Variants in AGAP1 observed in about 807,000 individuals in gnomAD.
AGAP1 encodes the protein arf-GAP with GTPase, ANK repeat and PH domain-containing protein 1.
A neutral mutation model predicts 105.3 loss-of-function variants in AGAP1; 29 were observed. The ratio of observed to expected loss-of-function variants is 0.28; its 90% CI spans 0.21 to 0.38. AGAP1 has a LOEUF of 0.38. AGAP1 is among the 10% of genes least tolerant of loss of function. The pLI is 1.00. For missense variants in AGAP1, 998 were observed against 1,165.1 expected (o/e 0.86, Z 2.09); for synonymous variants, 509 against 485.9 (o/e 1.05, Z -0.63).
chr2:235,579,355 A>G (rs754320502), intron 1 of AGAP1, among the ~76,000 whole-genome samples: 1 of 152,196 alleles, frequency 6.6e-6, no homozygotes, highest in East Asian at 1.9e-4. Context: ...TTAAAACAAA[A>G]CAAACCTTAT....
At chr2:235,760,542 G>A (rs2696395) in intron 6 of AGAP1, among the ~76,000 whole-genome samples, 42,555 of 152,074 alleles carry the variant, frequency 0.28, 6,271 homozygotes, top group Admixed American at 0.41. Context: ...CATCTTAGAA[G>A]TATGAAATCA....
chr2:235,958,854 G>A lies in AGAP1; in HGVS notation c.1484-9608G>A, dbSNP rs2054059844. On this transcript the variant is annotated intron_variant, in intron 12 of 17. Coordinates refer to ENST00000304032, the MANE Select transcript of AGAP1 (RefSeq NM_001037131.3). This position sits in a 1 kb window ranked among gnomAD's most constrained non-coding sequence, Gnocchi z 4.1. ...AGTCATGCTTGTCAGCTCTCCGAGT[G>A]AAAAGTGAAACTGCTTCTTTGACTC... is the stretch of plus-strand genomic sequence containing the variant. Among the ~76,000 whole-genome samples the A allele has an allele frequency of 6.6e-6, 1 of 152,230 alleles. No homozygotes were observed. The highest frequency in any genetic ancestry group is 2.1e-4 in the South Asian group (1 of 4,832).
In AGAP1 at chr2:235,746,377, C is replaced by CTTTTTTTTTTTTTTTTTTTTTT. The variant is rs1172393048; in HGVS notation, c.538+1551_538+1572dup. Among the ~76,000 whole-genome samples, 17 of 55,562 alleles carry CTTTTTTTTTTTTTTTTTTTTTT rather than the reference C, an allele frequency of 3.1e-4. 5 individuals are homozygous for CTTTTTTTTTTTTTTTTTTTTTT. The highest frequency in any genetic ancestry group is 5.8e-4 in the East Asian group (1 of 1,710). 36.5% of individuals were successfully genotyped at this position (55,562 alleles called of 152,430 possible). On this transcript the variant is annotated intron_variant, in intron 5 of 17. Coordinates refer to ENST00000304032, the MANE Select transcript of AGAP1 (RefSeq NM_001037131.3). ...GCTTCCTGGAGAGCACCTCCCCCAA[C>CTTTTTTTTTTTTTTTTTTTTTT]TTTTTTTTTTTTTTTTTTTTTTTTT...
At position 236,121,331 on chromosome 2, in the gene AGAP1, C is replaced by T. The variant is rs894438814; in HGVS notation, c.2370+884C>T. 2.6e-5 allele frequency among the ~76,000 whole-genome samples: 4 copies of T among 152,282 alleles called. No individual in the cohort carries two copies. The highest frequency in any genetic ancestry group is 2.1e-4 in the South Asian group (1 of 4,826). On this transcript the variant is annotated intron_variant, in intron 17 of 17. Transcript: ENST00000304032. The surrounding 1 kb of genome is among the most constrained non-coding windows in gnomAD (Gnocchi z 4.9). Reference sequence around the variant, plus strand: ...TTTTTGTTTTTTTGAGACAGAGTCTCGCTCTGTCACCCAGGCTGGAGTGCA... The same window carrying T: ...TTTTTGTTTTTTTGAGACAGAGTCTTGCTCTGTCACCCAGGCTGGAGTGCA...
In AGAP1 at chr2:235,965,119, T is replaced by C. The variant is rs60572339; in HGVS notation, c.1484-3343T>C. Among the ~76,000 whole-genome samples, 1 of 152,034 alleles carries C rather than the reference T, an allele frequency of 6.6e-6. No homozygotes were observed. Among genetic ancestry groups the C allele is most frequent in the Non-Finnish European group, 1.5e-5 (1 of 67,990 alleles). On this transcript the variant is annotated intron_variant, in intron 12 of 17. Transcript: ENST00000304032. This position sits in a 1 kb window ranked among gnomAD's most constrained non-coding sequence, Gnocchi z 5.8. ...CCAGATGTCCACCGTGGAAAGCAAGTGTTGGGCAGAAGTGGCAGGGAAGTG... is the reference window on the plus strand; with the variant it reads ...CCAGATGTCCACCGTGGAAAGCAAGCGTTGGGCAGAAGTGGCAGGGAAGTG...
At chr2:235,894,633 G>GTACA (rs2050716041) in intron 10 of AGAP1, among the ~76,000 whole-genome samples, 6 of 147,042 alleles carry the variant, frequency 4.1e-5, no homozygotes, top group African/African-American at 1.6e-4. Context: ...ACATGCACAT[G>GTACA]TACACACACA....
chr2:235,580,346 A>C (rs1230003592), intron 1 of AGAP1, among the ~76,000 whole-genome samples: 4 of 152,158 alleles, frequency 2.6e-5, no homozygotes, highest in Admixed American at 6.5e-5. Flanking sequence ...ATTAGTGGTG[A>C]GAATGAAGAC....
In AGAP1 at chr2:235,949,600, G is replaced by A. The variant is rs112455916; in HGVS notation, c.1483+18677G>A. Among the ~76,000 whole-genome samples the A allele has an allele frequency of 5.2e-4, 79 of 151,014 alleles. 1 individual carries two copies. Among genetic ancestry groups the A allele is most frequent in the African/African-American group, 1.6e-3 (65 of 41,028 alleles). ...ATTTGCCGCTTTGGGCATGCCTAGC[G>A]AATTCCATTTTTGTGCTCTTTTGTG... On this transcript the variant is annotated intron_variant, in intron 12 of 17. Transcript: ENST00000304032.
chr2:236,098,244 G>T (rs756116760), intron 16 of AGAP1, among the ~76,000 whole-genome samples: 8 of 152,056 alleles, frequency 5.3e-5, no homozygotes, highest in Non-Finnish European at 8.8e-5. Context: ...ACGCTGAACC[G>T]TCATACCGGT....
intron 1 of AGAP1, among the ~76,000 whole-genome samples, chr2:235,652,825 A>ACCCT (rs1367287116): frequency 6.6e-6 from 1 of 151,402 alleles, no homozygotes; most frequent in Non-Finnish European, 1.5e-5. Flanking sequence ...AGGGGCAGGG[A>ACCCT]GCAGGGTGGG....
intron 3 of AGAP1, among the ~76,000 whole-genome samples, chr2:235,727,711 CT>C (rs1553615359): frequency 6.6e-6 from 1 of 152,204 alleles, no homozygotes; most frequent in Non-Finnish European, 1.5e-5. Context: ...CTCCCCCAAC[CT>C]GTTTTATCGG....
rs1475597058 is a variant in AGAP1 at position 235,660,038 on chromosome 2, C to G, written c.164-49141C>G. Among the ~76,000 whole-genome samples the G allele has an allele frequency of 6.6e-6, 1 of 152,206 alleles. No individual in the cohort carries two copies. The highest frequency in any genetic ancestry group is 1.5e-5 in the Non-Finnish European group (1 of 68,044). On this transcript the variant is annotated intron_variant, in intron 1 of 17. Transcript: ENST00000304032. The surrounding 1 kb of genome is among the most constrained non-coding windows in gnomAD (Gnocchi z 5.3). Reference sequence around the variant, plus strand: ...CCATTCCCTGAAGTGAAGCAGCTGCCACCAGGCTGGCTTTTCCCAGGCAGT... The same window carrying G: ...CCATTCCCTGAAGTGAAGCAGCTGCGACCAGGCTGGCTTTTCCCAGGCAGT...
rs1443991531 is a variant in AGAP1 at position 236,027,591 on chromosome 2, C to T, written c.1646-8970C>T. 6.6e-6 allele frequency among the ~76,000 whole-genome samples: 1 copy of T among 152,250 alleles called. No individual in the cohort carries two copies. Among genetic ancestry groups the T allele is most frequent in the South Asian group, 2.1e-4 (1 of 4,808 alleles). On this transcript the variant is annotated intron_variant, in intron 13 of 17. Coordinates refer to ENST00000304032, the MANE Select transcript of AGAP1 (RefSeq NM_001037131.3). The surrounding 1 kb of genome is among the most constrained non-coding windows in gnomAD (Gnocchi z 4.4). ...TTTGCATCACAGTTCAGCCCTGGTCCCCATCAGCACAGCCTGCCTGGGAGA... is the reference window on the plus strand; with the variant it reads ...TTTGCATCACAGTTCAGCCCTGGTCTCCATCAGCACAGCCTGCCTGGGAGA...
intron 16 of AGAP1, among the ~76,000 whole-genome samples, chr2:236,098,143 C>T (rs145843587): frequency 3.7e-4 from 57 of 152,302 alleles, no homozygotes; most frequent in South Asian, 2.3e-3. Context: ...CTGCTGTGAA[C>T]GTGGACATAC....
chr2:236,004,043 G>T (rs567565983), intron 13 of AGAP1, among the ~76,000 whole-genome samples: 2 of 152,220 alleles, frequency 1.3e-5, no homozygotes, highest in East Asian at 3.9e-4. Flanking sequence ...TGGGCACCTC[G>T]TATCTTGTGC....
intron 1 of AGAP1, among the ~76,000 whole-genome samples, chr2:235,531,399 C>T (rs1182025533): frequency 6.6e-6 from 1 of 152,140 alleles, no homozygotes; most frequent in Non-Finnish European, 1.5e-5. Flanking sequence ...GTTCACTGCC[C>T]ATCCTTTCTG....
chr2:236,032,460 G>A (rs1174764264), intron 13 of AGAP1, among the ~76,000 whole-genome samples: 5 of 152,104 alleles, frequency 3.3e-5, no homozygotes, highest in African/African-American at 9.7e-5. Flanking sequence ...CATCAGCAAC[G>A]TCAGGTGCTC....
chr2:236,063,201 C>G (rs2058253168), intron 16 of AGAP1, among the ~76,000 whole-genome samples: 1 of 151,486 alleles, frequency 6.6e-6, no homozygotes, highest in South Asian at 2.1e-4. Flanking sequence ...TCAAGTGATT[C>G]TCCTGCCTCA....
intron 1 of AGAP1, among the ~76,000 whole-genome samples, chr2:235,646,733 T>G (rs1255992428): frequency 6.6e-6 from 1 of 152,178 alleles, no homozygotes; most frequent in Non-Finnish European, 1.5e-5. Context: ...GACCTTTGGG[T>G]GCTTGGGCCA....
Sources: allele counts gnomAD v4.1 joint callset (sites outside exome capture counted in the v4.1 genomes callset), GRCh38; gene constraint gnomAD v4.1.1; non-coding constraint Gnocchi (gnomAD v3.1); transcripts MANE v1.5; gene names NCBI Gene and HGNC (gene_info 2026-07-23, HGNC 2026-07-21).